The following PDE4A variants were observed in gnomAD, a reference collection of about 807,000 sequenced individuals.
PDE4A encodes the protein phosphodiesterase 4A.
A neutral mutation model predicts 73.9 loss-of-function variants in PDE4A; 21 were observed. The ratio of observed to expected loss-of-function variants is 0.28; its 90% CI spans 0.20 to 0.41. PDE4A has a LOEUF of 0.41. PDE4A is among the 10% of genes least tolerant of loss of function. PDE4A has a pLI of 1.00. For missense variants in PDE4A, 958 were observed against 1,211.4 expected, an observed-to-expected ratio of 0.79 and a Z score of 3.10; for synonymous variants, 463 against 505.4, an observed-to-expected ratio of 0.92 and a Z score of 1.13.
chr19:10,434,549 C>T (rs1417675608), intron 1 of PDE4A, among the ~76,000 whole-genome samples: 3 of 151,186 alleles, frequency 2.0e-5, no homozygotes, highest in Non-Finnish European at 2.9e-5. Flanking sequence ...ATGCATGTTA[C>T]AGTATAGCAC....
At chr19:10,460,526 G>A (rs2043246718) in intron 10 of PDE4A, among the ~76,000 whole-genome samples, 1 of 151,560 alleles carries the variant, frequency 6.6e-6, no homozygotes, top group African/African-American at 2.4e-5. Context: ...AATTGCGGGG[G>A]GCTAGGCACG....
chr19:10,461,888 G>A lies in PDE4A; in HGVS notation c.1632G>A (p.Thr544=), dbSNP rs2043279389. 1 of 1,613,536 alleles carries A rather than the reference G, an allele frequency of 6.2e-7. No homozygotes were observed. The highest frequency in any genetic ancestry group is 8.5e-7 in the Non-Finnish European group (1 of 1,179,788). The part of the protein sequence containing the change: ...RKMVIDMVLA[T]DMSKHMTLLA... ...CCCCTTGCCCGCAGGTGCTGGCCAC[G>A]GACATGTCCAAGCACATGACCCTCC... Residue 544 remains threonine (T), a synonymous_variant, in exon 13 of 15, where the codon ACG becomes ACA. Transcript: ENST00000380702.
upstream of PDE4A, chr19:10,418,643 A>T: frequency 2.2e-6 from 1 of 448,068 alleles, no homozygotes; most frequent in South Asian, 9.4e-5. Context: ...CGCCCATCCC[A>T]CTAGCCTCAG....
chr19:10,451,629 G>A (rs1013531161), intron 6 of PDE4A, among the ~76,000 whole-genome samples: 1 of 152,092 alleles, frequency 6.6e-6, no homozygotes, highest in Admixed American at 6.6e-5. Flanking sequence ...GTCTGCAGGG[G>A]AGAGTTGGAC....
intron 3 of PDE4A, 51 bp from the exon 4 acceptor site, chr19:10,449,029 C>CA: frequency 6.2e-7 from 1 of 1,611,592 alleles, no homozygotes; most frequent in South Asian, 1.1e-5. Flanking sequence ...GGGCCCAGCC[C>CA]CGCTGCCTCT....
At chr19:10,418,146 A>G (rs887561935), upstream of PDE4A, among the ~76,000 whole-genome samples, 1 of 152,098 alleles carries the variant, frequency 6.6e-6, no homozygotes, top group Non-Finnish European at 1.5e-5. Context: ...ATATTCACAG[A>G]GCTGGGGCAG....
rs1430383042 is a variant in PDE4A at position 10,453,897 on chromosome 19, G to C, written c.784-932G>C. Among the ~76,000 whole-genome samples, 1 of 152,122 alleles carries C rather than the reference G, an allele frequency of 6.6e-6. No homozygotes were observed. The highest frequency in any genetic ancestry group is 1.5e-5 in the Non-Finnish European group (1 of 68,012). On this transcript the variant is annotated intron_variant, in intron 6 of 14. Coordinates refer to ENST00000380702, the MANE Select transcript of PDE4A (RefSeq NM_001111307.2). The surrounding 1 kb of genome is among the most constrained non-coding windows in gnomAD (Gnocchi z 4.6). ...CCAGGGTCTCTGGGTGGCACCGGGA[G>C]GAGGGAGCACCCCGTCCAAGCCTGG...
chr19:10,453,014 C>T lies in PDE4A; in HGVS notation c.784-1815C>T. Reference sequence around the variant, plus strand: ...CCCCCTCCCATGGGCACGGACCCCCCACCGCCTCCACCCACTGCCGCGGGG... The same window carrying T: ...CCCCCTCCCATGGGCACGGACCCCCTACCGCCTCCACCCACTGCCGCGGGG... On this transcript the variant is annotated intron_variant, in intron 6 of 14. Coordinates refer to ENST00000380702, the MANE Select transcript of PDE4A (RefSeq NM_001111307.2). The surrounding 1 kb of genome is among the most constrained non-coding windows in gnomAD (Gnocchi z 4.6). 25 of 1,315,620 alleles carry T rather than the reference C, an allele frequency of 1.9e-5. No homozygotes were observed. Among genetic ancestry groups the T allele is most frequent in the Non-Finnish European group, 2.4e-5 (25 of 1,032,192 alleles). The allele number at this position is 1,315,620 out of a possible 1,614,324, so 81.5% of individuals were successfully genotyped here.
At chr19:10,427,498 A>G in intron 1 of PDE4A, 17 of 985,412 alleles carry the variant, frequency 1.7e-5, no homozygotes, top group Non-Finnish European at 1.9e-5. Context: ...GTAAGGGCTC[A>G]TAGACCATTA....
At chr19:10,455,070 C>G in intron 7 of PDE4A, 148 bp downstream of exon 7, 1 of 722,866 alleles carries the variant, frequency 1.4e-6, no homozygotes, top group East Asian at 2.7e-5. Flanking sequence ...TCCAGGAACC[C>G]TCATGTTCCT....
At chr19:10,455,184 C>T (rs1412793988) in intron 7 of PDE4A, among the ~76,000 whole-genome samples, 2 of 152,140 alleles carry the variant, frequency 1.3e-5, no homozygotes, top group Admixed American at 6.6e-5. Context: ...CTCCAAGCGC[C>T]GGGCGCGGTG....
At chr19:10,418,914 A>G, upstream of PDE4A, 1 of 984,520 alleles carries the variant, frequency 1.0e-6, no homozygotes, top group Non-Finnish European at 1.2e-6. Context: ...GGTGTTCCTG[A>G]GAGAAGTGGG....
At chr19:10,419,051 G>T (rs949111728), upstream of PDE4A, 3 of 943,566 alleles carry the variant, frequency 3.2e-6, no homozygotes, top group Middle Eastern at 5.4e-4. Context: ...TTGAAGACCG[G>T]CAGTCTTTTT....
intron 6 of PDE4A, among the ~76,000 whole-genome samples, chr19:10,452,065 T>TA: frequency 7.3e-6 from 1 of 136,454 alleles, no homozygotes; most frequent in East Asian, 2.2e-4. Flanking sequence ...GTGTGTGTAT[T>TA]TTTGCATCTG....
chr19:10,444,332 C>G (rs1273979524), intron 1 of PDE4A, among the ~76,000 whole-genome samples: 1 of 151,666 alleles, frequency 6.6e-6, no homozygotes. Flanking sequence ...CTGACTGTGT[C>G]TACTGAAAAT....
In PDE4A at chr19:10,457,923, C is replaced by G. The variant is rs200707763; in HGVS notation, c.922C>G (p.Arg308Gly). 2 of 1,612,780 alleles carry G rather than the reference C, an allele frequency of 1.2e-6. No individual in the cohort carries two copies. The highest frequency in any genetic ancestry group is 1.1e-5 in the South Asian group (1 of 91,018). Residue 308 changes from arginine to glycine, a missense_variant, in exon 8 of 15, where the codon CGA (arginine) becomes GGA (glycine). Arg to Gly is a moderately radical substitution (Grantham distance 125). Transcript: ENST00000380702. The part of the protein sequence containing the change: ...VEIPSPTMKE[R>G]EKQQAPRPRP... ...GATCCCATCACCCACGATGAAGGAA[C>G]GAGAAAAACAGCAAGCGCCGCGACC... is the stretch of plus-strand genomic sequence containing the variant.
upstream of PDE4A, chr19:10,417,877 A>AGG: frequency 6.5e-7 from 1 of 1,548,432 alleles, no homozygotes; most frequent in South Asian, 1.2e-5. Flanking sequence ...TAGGTAGGAG[A>AGG]GGGAGCAGAG....
At chr19:10,418,104 G>C (rs1599390908), upstream of PDE4A, among the ~76,000 whole-genome samples, 1 of 152,284 alleles carries the variant, frequency 6.6e-6, no homozygotes, top group South Asian at 2.1e-4. Flanking sequence ...TGAGGAAAGG[G>C]GTGTCATGTC....
At position 10,467,671 on chromosome 19, in the gene PDE4A, G is replaced by T; in HGVS notation, c.*50G>T. Reference sequence around the variant, plus strand: ...CCTCCACTCCTCCCCTCACTCCCCTGCTCCCCCGACCACCTCCTCCTCTGC... The same window carrying T: ...CCTCCACTCCTCCCCTCACTCCCCTTCTCCCCCGACCACCTCCTCCTCTGC... On this transcript the variant is annotated 3_prime_UTR_variant, in exon 15 of 15. Coordinates refer to ENST00000380702, the MANE Select transcript of PDE4A (RefSeq NM_001111307.2). 7.2e-7 allele frequency: 1 copy of T among 1,394,774 alleles called. No homozygotes were observed. The highest frequency in any genetic ancestry group is 9.7e-7 in the Non-Finnish European group (1 of 1,029,434). 86.4% of individuals were successfully genotyped at this position (1,394,774 alleles called of 1,614,324 possible). A position where few individuals can be genotyped will look rare whatever the true frequency, so the allele number is the denominator to read the frequency against.
Sources: gnomAD v4.1 joint callset for allele counts (sites outside exome capture counted in the v4.1 genomes callset) on GRCh38, gnomAD v4.1.1 for gene constraint, Gnocchi (gnomAD v3.1) non-coding constraint, MANE v1.5 for transcripts, NCBI Gene and HGNC (gene_info 2026-07-23, HGNC 2026-07-21) for gene names.